NSG2: variants seen among roughly 807,000 people sequenced by gnomAD.
NSG2 encodes neuronal vesicle trafficking-associated protein 2.
A neutral mutation model predicts 16.9 loss-of-function variants in NSG2; 4 were observed. That is an observed-to-expected ratio of 0.24 (90% CI 0.12 to 0.54). The LOEUF is 0.54. Ranked by LOEUF, NSG2 falls within the 20% of genes least tolerant of loss-of-function variation. The pLI is 0.95. For synonymous variants in NSG2, 98 were observed against 88.7 expected (o/e 1.11, Z -0.59); for missense variants, 179 against 221.1 (o/e 0.81, Z 1.21).
chr5:174,102,750 T>A (rs1437633147), intron 3 of NSG2, among the ~76,000 whole-genome samples: 1 of 91,210 alleles, frequency 1.1e-5, no homozygotes, highest in Non-Finnish European at 2.1e-5. Context: ...CCATGCTTTG[T>A]TTTTTTTATT....
Position 174,066,369 on chromosome 5 carries a change from G to T in NSG2, c.213+2054G>T, listed in dbSNP as rs546657765. 217 of 423,716 alleles carry T rather than the reference G, an allele frequency of 5.1e-4. 2 individuals carry two copies. The highest frequency in any genetic ancestry group is 3.5e-3 in the South Asian group (213 of 61,490). The allele number at this position is 423,716 out of a possible 1,614,324, so 26.2% of individuals were successfully genotyped here. On this transcript the variant is annotated intron_variant, in intron 3 of 4. Transcript: ENST00000303177. ...CGGGGTCAAATTTACCTGCCTTCCT[G>T]GCAAGAGATCACAAGAAATATTCCC...
rs138520057 is a variant in NSG2, at chr5:174,069,755, G to C, written c.213+5440G>C. Reference sequence around the variant, plus strand: ...GCTTTTCTCCCTGGGAATGTGACTGGGAGAACCTGGAGGAACATTTCAAGG... The same window carrying C: ...GCTTTTCTCCCTGGGAATGTGACTGCGAGAACCTGGAGGAACATTTCAAGG... On this transcript the variant is annotated intron_variant, in intron 3 of 4. Transcript: ENST00000303177. Among the ~76,000 whole-genome samples, 886 of 152,168 alleles carry C rather than the reference G, an allele frequency of 5.8e-3. 5 individuals carry two copies. Among genetic ancestry groups the C allele is most frequent in the African/African-American group, 0.02 (844 of 41,490 alleles).
chr5:174,103,902 T>C (rs970364572), intron 3 of NSG2, among the ~76,000 whole-genome samples: 1 of 152,088 alleles, frequency 6.6e-6, no homozygotes, highest in Non-Finnish European at 1.5e-5. Context: ...GAGGTGAAGG[T>C]TGCAGTGAGC....
intron 2 of NSG2, among the ~76,000 whole-genome samples, chr5:174,063,841 C>G (rs1057326193): frequency 2.6e-5 from 4 of 151,866 alleles, no homozygotes; most frequent in African/African-American, 9.7e-5. Context: ...TATACTATGC[C>G]AAAAGGCAAA....
rs3811980 is a variant in NSG2, at chr5:174,108,717, G to C, written c.*1212G>C. The C allele has an allele frequency of 0.33, 50,811 of 152,316 alleles. 11,472 individuals carry two copies. Among genetic ancestry groups the C allele is most frequent in the African/African-American group, 0.64 (26,636 of 41,478 alleles). The allele number at this position is 152,316 out of a possible 1,614,324, so 9.4% of individuals were successfully genotyped here. Reference sequence around the variant, plus strand: ...TTCCCTGGAACCGTATCAGGCATTCGCCTGCCTCTCACAAATGTTTCAGGG... The same window carrying C: ...TTCCCTGGAACCGTATCAGGCATTCCCCTGCCTCTCACAAATGTTTCAGGG... On this transcript the variant is annotated 3_prime_UTR_variant, in exon 5 of 5. Coordinates refer to ENST00000303177, the MANE Select transcript of NSG2 (RefSeq NM_015980.5).
chr5:174,080,269 T>G (rs1561668475), intron 3 of NSG2, among the ~76,000 whole-genome samples: 1 of 150,194 alleles, frequency 6.7e-6, no homozygotes, highest in Non-Finnish European at 1.5e-5. Flanking sequence ...CATTCTTGCA[T>G]TTCACTTTTG....
At chr5:174,102,852 C>T (rs1315697635) in intron 3 of NSG2, among the ~76,000 whole-genome samples, 2 of 151,280 alleles carry the variant, frequency 1.3e-5, no homozygotes, top group African/African-American at 4.9e-5. Context: ...AAGCTCGGCT[C>T]ACTGCAGCCT....
chr5:174,094,617 C>G (rs1760766644), intron 3 of NSG2, among the ~76,000 whole-genome samples: 1 of 152,178 alleles, frequency 6.6e-6, no homozygotes, highest in African/African-American at 2.4e-5. Context: ...GCTCTCCCAG[C>G]TGTGAGAGAG....
At chr5:174,082,952 C>G (rs554816416) in intron 3 of NSG2, among the ~76,000 whole-genome samples, 1 of 152,230 alleles carries the variant, frequency 6.6e-6, no homozygotes, top group East Asian at 1.9e-4. Context: ...CACTGGCTCT[C>G]TAGTGCCCCC....
chr5:174,079,263 C>CTTT (rs113704369), intron 3 of NSG2, among the ~76,000 whole-genome samples: 2 of 143,438 alleles, frequency 1.4e-5, no homozygotes, highest in African/African-American at 2.5e-5. Flanking sequence ...CTCTCTCTCT[C>CTTT]TTTTTTTTTT....
intron 3 of NSG2, among the ~76,000 whole-genome samples, chr5:174,077,896 C>T (rs1249688462): frequency 1.3e-5 from 2 of 152,098 alleles, no homozygotes; most frequent in Non-Finnish European, 2.9e-5. Flanking sequence ...CATACAAATG[C>T]ACAACATTCT....
At chr5:174,050,714 C>T (rs1759875058) in intron 2 of NSG2, among the ~76,000 whole-genome samples, 1 of 152,120 alleles carries the variant, frequency 6.6e-6, no homozygotes, top group South Asian at 2.1e-4. Context: ...GGCTCCTGGA[C>T]CTGGAAGGGA....
At chr5:174,100,260 C>T (rs757115156) in intron 3 of NSG2, among the ~76,000 whole-genome samples, 1 of 152,224 alleles carries the variant, frequency 6.6e-6, no homozygotes, top group Non-Finnish European at 1.5e-5. Flanking sequence ...CACAGGACTG[C>T]TTGCATGTGG....
At chr5:174,097,838 T>C (rs533664576) in intron 3 of NSG2, among the ~76,000 whole-genome samples, 2 of 150,924 alleles carry the variant, frequency 1.3e-5, no homozygotes, top group African/African-American at 4.9e-5. Flanking sequence ...TCTCTTTGTG[T>C]GTGTCTGTGT....
In NSG2 at chr5:174,107,592, A is replaced by C. The variant is rs759962712; in HGVS notation, c.*87A>C. ...AGCTCCAGTTACAAGACAACACTGT[A>C]CTCCTGGGATATGGGGGCGGGGGCG... On this transcript the variant is annotated 3_prime_UTR_variant, in exon 5 of 5. Transcript: ENST00000303177. The surrounding 1 kb of genome is among the most constrained non-coding windows in gnomAD (Gnocchi z 4.5). 1 of 786,170 alleles carries C rather than the reference A, an allele frequency of 1.3e-6. No individual in the cohort carries two copies. Among genetic ancestry groups the C allele is most frequent in the Non-Finnish European group, 1.9e-6 (1 of 529,066 alleles). The allele number at this position is 786,170 out of a possible 1,614,324, so 48.7% of individuals were successfully genotyped here.
chr5:174,056,926 C>T (rs559080387), intron 2 of NSG2, among the ~76,000 whole-genome samples: 11 of 152,310 alleles, frequency 7.2e-5, no homozygotes, highest in African/African-American at 2.6e-4. Flanking sequence ...GCCAGTGACA[C>T]GGGAATTATA....
In NSG2 at chr5:174,106,063, G is replaced by A. The variant is rs1179321245; in HGVS notation, c.325-1251G>A. Among the ~76,000 whole-genome samples, 4 of 152,284 alleles carry A rather than the reference G, an allele frequency of 2.6e-5. No homozygotes were observed. The East Asian group carries it at 7.7e-4, about 29-fold the overall frequency. On this transcript the variant is annotated intron_variant, in intron 4 of 4. Transcript: ENST00000303177. ...AAGAGAATGCTCATTAAGACAGTAA[G>A]GATGAGTGATGGAAGGAAGGTCCTG...
At chr5:174,102,546 A>T (rs1434130539) in intron 3 of NSG2, among the ~76,000 whole-genome samples, 1 of 152,102 alleles carries the variant, frequency 6.6e-6, no homozygotes, top group Non-Finnish European at 1.5e-5. Flanking sequence ...TTGTACATAG[A>T]TGGTGGGATG....
intron 3 of NSG2, among the ~76,000 whole-genome samples, chr5:174,087,038 C>T (rs1760637355): frequency 6.6e-6 from 1 of 152,194 alleles, no homozygotes. Flanking sequence ...GGGAGCTTTC[C>T]TCTCTGGGTT....
Sources: gnomAD v4.1 joint callset for allele counts (sites outside exome capture counted in the v4.1 genomes callset) on GRCh38, gnomAD v4.1.1 for gene constraint, Gnocchi (gnomAD v3.1) non-coding constraint, MANE v1.5 for transcripts, NCBI Gene and HGNC (gene_info 2026-07-23, HGNC 2026-07-21) for gene names.